SOX5: variants seen among roughly 807,000 people sequenced by gnomAD.
The protein encoded by SOX5 is transcription factor SOX-5.
Under a neutral mutation model 92.0 loss-of-function variants are expected in SOX5, and 9 were observed. That is an observed-to-expected ratio of 0.10 (90% CI 0.06 to 0.17). SOX5 has a LOEUF of 0.17. SOX5 is among the 10% of genes least tolerant of loss of function. SOX5 has a pLI of 1.00. For synonymous variants in SOX5, 344 were observed against 336.3 expected, an observed-to-expected ratio of 1.02 and a Z score of -0.25; for missense variants, 642 against 944.5, an observed-to-expected ratio of 0.68 and a Z score of 4.20.
chr12:24,311,707 T>C (rs1043224785), intron 2 of SOX5, among the ~76,000 whole-genome samples: 4 of 152,210 alleles, frequency 2.6e-5, no homozygotes, highest in African/African-American at 7.2e-5. Context: ...TATTGAATTC[T>C]TGACACCACT....
intron 1 of SOX5, chr12:23,944,195 G>T (rs1373250740): frequency 6.6e-6 from 1 of 151,818 alleles, no homozygotes. Flanking sequence ...ATCTTGTTTC[G>T]GTCTGGTCCT....
intron 9 of SOX5, among the ~76,000 whole-genome samples, chr12:23,576,065 C>T (rs531789651): frequency 3.3e-5 from 5 of 152,188 alleles, no homozygotes; most frequent in Non-Finnish European, 7.4e-5. Context: ...GTGTACTCAA[C>T]TACCCACAGA....
chr12:24,171,458 C>T (rs910626545), intron 4 of SOX5, among the ~76,000 whole-genome samples: 1 of 151,892 alleles, frequency 6.6e-6, no homozygotes, highest in Non-Finnish European at 1.5e-5. Context: ...CTCCTGACTT[C>T]GTGATCCACC....
At chr12:23,621,702 A>G (rs1357453385) in intron 8 of SOX5, among the ~76,000 whole-genome samples, 1 of 152,158 alleles carries the variant, frequency 6.6e-6, no homozygotes, top group East Asian at 1.9e-4. Flanking sequence ...TTGGAAACAA[A>G]TATAAATAGA....
chr12:24,283,527 C>G (rs751698883), intron 2 of SOX5, among the ~76,000 whole-genome samples: 11 of 152,182 alleles, frequency 7.2e-5, no homozygotes, highest in Non-Finnish European at 1.6e-4. Flanking sequence ...ACCTGGTAGT[C>G]CTTGAAAAGA....
At chr12:23,773,290 A>G (rs1243301489) in intron 3 of SOX5, among the ~76,000 whole-genome samples, 6 of 152,188 alleles carry the variant, frequency 3.9e-5, no homozygotes, top group African/African-American at 7.2e-5. Context: ...TAGAGTTGGC[A>G]AAATACAATC....
chr12:23,970,841 A>ATATTT, intron 4 of SOX5, among the ~76,000 whole-genome samples: 3 of 21,862 alleles, frequency 1.4e-4, no homozygotes, highest in African/African-American at 3.7e-4. Context: ...TATATATATA[A>ATATTT]TTTTTTTTTT....
chr12:24,524,338 CCCAT>C (rs1183229693), intron 1 of SOX5, among the ~76,000 whole-genome samples: 1 of 120,370 alleles, frequency 8.3e-6, no homozygotes, highest in African/African-American at 3.2e-5. Context: ...TAAATCCCCT[CCCAT>C]CTATCTATCT....
intron 1 of SOX5, among the ~76,000 whole-genome samples, chr12:24,402,653 G>T (rs1471246665): frequency 1.3e-5 from 2 of 152,116 alleles, no homozygotes; most frequent in Non-Finnish European, 2.9e-5. Context: ...TGGGCACTTT[G>T]ATGTCACCTA....
chr12:24,481,961 T>G (rs1168252053), intron 1 of SOX5, among the ~76,000 whole-genome samples: 2 of 152,230 alleles, frequency 1.3e-5, no homozygotes, highest in Non-Finnish European at 2.9e-5. Flanking sequence ...AGAACTCTGA[T>G]TATTCATAAT....
chr12:24,546,056 T>A (rs1952593372), intron 1 of SOX5, among the ~76,000 whole-genome samples: 1 of 152,186 alleles, frequency 6.6e-6, no homozygotes, highest in African/African-American at 2.4e-5. Context: ...TCCGGGAAAC[T>A]CTGACATGAC....
chr12:23,748,055 T>C (rs2094053996), intron 4 of SOX5, among the ~76,000 whole-genome samples: 1 of 151,912 alleles, frequency 6.6e-6, no homozygotes, highest in African/African-American at 2.4e-5. Flanking sequence ...ACTGGAATTA[T>C]AAAAGCAATC....
intron 9 of SOX5, chr12:23,604,011 C>T (rs1228348488): frequency 6.1e-6 from 1 of 163,588 alleles, no homozygotes; most frequent in African/African-American, 2.4e-5. Context: ...CCCAATATAA[C>T]TTCCAATGTA....
chr12:24,010,152 G>T (rs980024368), intron 4 of SOX5, among the ~76,000 whole-genome samples: 1 of 152,130 alleles, frequency 6.6e-6, no homozygotes, highest in Non-Finnish European at 1.5e-5. Flanking sequence ...ACTACAATGT[G>T]CCAGAAACTT....
intron 2 of SOX5, among the ~76,000 whole-genome samples, chr12:23,852,069 CAT>C (rs2096639455): frequency 1.3e-5 from 2 of 152,046 alleles, no homozygotes; most frequent in African/African-American, 4.8e-5. Context: ...TCAATATTTT[CAT>C]ATGATTGAAA....
chr12:23,694,477 T>G (rs1056801310), intron 6 of SOX5, among the ~76,000 whole-genome samples: 6 of 152,208 alleles, frequency 3.9e-5, no homozygotes, highest in African/African-American at 1.4e-4. Flanking sequence ...ATTTCTCATC[T>G]AGTTGATGAA....
intron 2 of SOX5, among the ~76,000 whole-genome samples, chr12:23,880,891 A>G (rs1014638716): frequency 6.6e-6 from 1 of 152,254 alleles, no homozygotes; most frequent in Non-Finnish European, 1.5e-5. Flanking sequence ...ATTCTGATAT[A>G]TAAACATAAC....
At chr12:23,614,292 T>C (rs2076294655) in intron 8 of SOX5, among the ~76,000 whole-genome samples, 1 of 152,220 alleles carries the variant, frequency 6.6e-6, no homozygotes, top group Middle Eastern at 3.2e-3. Flanking sequence ...TTTAAGACTT[T>C]TCTGTACACA....
chr12:23,975,032 C>T (rs1419206136), intron 4 of SOX5, among the ~76,000 whole-genome samples: 3 of 152,032 alleles, frequency 2.0e-5, no homozygotes, highest in African/African-American at 7.2e-5. Flanking sequence ...TTCTTTTTCA[C>T]TGTATGTCTG....
Sources: gnomAD v4.1 joint callset for allele counts (sites outside exome capture counted in the v4.1 genomes callset) on GRCh38, gnomAD v4.1.1 for gene constraint, MANE v1.5 for transcripts, NCBI Gene and HGNC (gene_info 2026-07-23, HGNC 2026-07-21) for gene names.